Variants in C4orf51 observed in about 807,000 individuals in gnomAD.
C4orf51 encodes the protein uncharacterized protein C4orf51.
Under a neutral mutation model 25.2 loss-of-function variants are expected in C4orf51, and 25 were observed. The ratio of observed to expected loss-of-function variants is 0.99; its 90% CI spans 0.72 to 1.39. C4orf51 has a LOEUF of 1.39. C4orf51 is among the 40% of genes most tolerant of loss of function. The pLI, the probability that C4orf51 is intolerant of heterozygous loss-of-function variation, is 0.00. For missense variants in C4orf51, 252 were observed against 239.6 expected (o/e 1.05, Z -0.34); for synonymous variants, 100 against 84.5 (o/e 1.18, Z -1.01).
At chr4:145,724,929 T>C (rs1731966990) in intron 2 of C4orf51, among the ~76,000 whole-genome samples, 1 of 137,640 alleles carries the variant, frequency 7.3e-6, no homozygotes, top group Admixed American at 7.2e-5. Flanking sequence ...AAGAGTTAAG[T>C]GAAAAAGCAC....
the C4orf51 span, among the ~76,000 whole-genome samples, chr4:145,779,740 T>C: frequency 6.6e-6 from 1 of 152,244 alleles, no homozygotes; most frequent in South Asian, 2.1e-4. Context: ...CAGTATTTTC[T>C]CTCTTTCTTC....
rs1480261358 is a variant in C4orf51 at position 145,761,770 on chromosome 4, C to CTCCCTGCTGACAGAGCAG, written n.167-9213_167-9196dup. On this transcript the variant is annotated intron_variant and non_coding_transcript_variant, in intron 1 of 1. Coordinates refer to the C4orf51 transcript ENST00000510096. The surrounding 1 kb of genome is among the most constrained non-coding windows in gnomAD (Gnocchi z 6.8). ...AGGGGTGGAACGGCCCTTTTTGGCT[C>CTCCCTGCTGACAGAGCAG]TCCCTGCTGACAGAGCAGTCCCCGC... Among the ~76,000 whole-genome samples, 8 of 152,184 alleles carry CTCCCTGCTGACAGAGCAG rather than the reference C, an allele frequency of 5.3e-5. No homozygotes were observed. Among genetic ancestry groups the CTCCCTGCTGACAGAGCAG allele is most frequent in the Non-Finnish European group, 1.0e-4 (7 of 68,014 alleles).
At chr4:145,775,681 A>G (rs1169693116), downstream of C4orf51, 8 of 1,341,454 alleles carry the variant, frequency 6.0e-6, no homozygotes, top group Middle Eastern at 2.6e-4. Flanking sequence ...AGGCCAGGCT[A>G]TGACTGAGAA....
the C4orf51 span, among the ~76,000 whole-genome samples, chr4:145,778,469 C>T: frequency 3.9e-5 from 6 of 151,984 alleles, no homozygotes; most frequent in Non-Finnish European, 5.9e-5. Context: ...GTTAGCTGGG[C>T]ATAGTGGCAG....
chr4:145,732,740 TTGG>T lies in C4orf51; in HGVS notation c.*184_*186del. The T allele has an allele frequency of 2.0e-6, 1 of 487,998 alleles. No homozygotes were observed. Among genetic ancestry groups the T allele is most frequent in the South Asian group, 4.0e-5 (1 of 25,200 alleles). 30.2% of individuals were successfully genotyped at this position (487,998 alleles called of 1,614,324 possible). A position where few individuals can be genotyped will look rare whatever the true frequency, so the allele number is the denominator to read the frequency against. On this transcript the variant is annotated 3_prime_UTR_variant, in exon 6 of 6. Transcript: ENST00000438731. ...ATTTATCAGTTTTTTCCCTTTTTAA[TTGG>T]TGGAGAGAGACAAAAGTTTTTATAA...
At chr4:145,781,664 C>T in the C4orf51 span, among the ~76,000 whole-genome samples, 1 of 152,290 alleles carries the variant, frequency 6.6e-6, no homozygotes, top group African/African-American at 2.4e-5. Context: ...GGGAGATGAA[C>T]TTCTGAGGAC....
chr4:145,702,029 C>T (rs1056174239), intron 2 of C4orf51, among the ~76,000 whole-genome samples: 1 of 152,102 alleles, frequency 6.6e-6, no homozygotes, highest in Admixed American at 6.5e-5. Context: ...ATCACATGCC[C>T]ATTACCATCC....
intron 3 of C4orf51, among the ~76,000 whole-genome samples, chr4:145,728,186 TAAG>T (rs1481640074): frequency 6.6e-6 from 1 of 151,228 alleles, no homozygotes; most frequent in Middle Eastern, 3.2e-3. Context: ...TACGTTCCCA[TAAG>T]AAGAATTCTT....
At chr4:145,788,167 T>A in the C4orf51 span, among the ~76,000 whole-genome samples, 1 of 152,230 alleles carries the variant, frequency 6.6e-6, no homozygotes, top group African/African-American at 2.4e-5. Flanking sequence ...TAACCATTTT[T>A]TTTTGCTTAG....
chr4:145,736,617 C>G (rs1370550673), downstream of C4orf51, among the ~76,000 whole-genome samples: 1 of 152,204 alleles, frequency 6.6e-6, no homozygotes, highest in African/African-American at 2.4e-5. Context: ...CTTAGACATA[C>G]TTCAGGACTC....
chr4:145,697,133 T>G (rs559585941), intron 2 of C4orf51, among the ~76,000 whole-genome samples: 2 of 147,700 alleles, frequency 1.4e-5, no homozygotes, highest in Admixed American at 1.4e-4. Flanking sequence ...AGGGTCTCAC[T>G]CTGTCACCCA....
chr4:145,747,796 T>G (rs1733453399), intron 1 of C4orf51, among the ~76,000 whole-genome samples: 1 of 150,450 alleles, frequency 6.6e-6, no homozygotes, highest in Non-Finnish European at 1.5e-5. Context: ...CTTCCCTCCT[T>G]CCTTCCTTGC....
At chr4:145,789,473 T>C in the C4orf51 span, among the ~76,000 whole-genome samples, 101 of 152,344 alleles carry the variant, frequency 6.6e-4, no homozygotes, top group African/African-American at 2.3e-3. Flanking sequence ...CACTATATGA[T>C]GCATTTTACA....
At chr4:145,727,922 T>TATATAA (rs1234382844) in intron 3 of C4orf51, among the ~76,000 whole-genome samples, 5 of 96,946 alleles carry the variant, frequency 5.2e-5, no homozygotes, top group African/African-American at 2.6e-4. Flanking sequence ...TATATATATA[T>TATATAA]AAAATATATT....
chr4:145,696,906 G>A (rs1379419476), intron 2 of C4orf51, among the ~76,000 whole-genome samples: 4 of 151,662 alleles, frequency 2.6e-5, no homozygotes, highest in Non-Finnish European at 5.9e-5. Context: ...GTGTGGTGGC[G>A]CATACCTGTA....
At chr4:145,723,216 C>A (rs989232247) in intron 2 of C4orf51, among the ~76,000 whole-genome samples, 1 of 152,036 alleles carries the variant, frequency 6.6e-6, no homozygotes, top group Non-Finnish European at 1.5e-5. Flanking sequence ...GCCAACAATG[C>A]GTACATCTTG....
chr4:145,741,631 G>A (rs541301928), intron 1 of C4orf51, among the ~76,000 whole-genome samples: 4 of 152,202 alleles, frequency 2.6e-5, no homozygotes. Context: ...TTCCCTGAGA[G>A]AGAAGGAAAG....
chr4:145,785,977 C>G, the C4orf51 span, among the ~76,000 whole-genome samples: 1 of 152,100 alleles, frequency 6.6e-6, no homozygotes. Flanking sequence ...TGTAATATGT[C>G]AAAACTTACA....
downstream of C4orf51, among the ~76,000 whole-genome samples, chr4:145,736,764 T>C (rs147377899): frequency 0.01 from 1,542 of 152,312 alleles, 17 homozygotes; most frequent in South Asian, 0.026. Flanking sequence ...AGCTGCTCTT[T>C]TTCTGGCACA....
Sources: allele counts gnomAD v4.1 joint callset (sites outside exome capture counted in the v4.1 genomes callset), GRCh38; gene constraint gnomAD v4.1.1; non-coding constraint Gnocchi (gnomAD v3.1); transcripts MANE v1.5; gene names NCBI Gene and HGNC (gene_info 2026-07-23, HGNC 2026-07-21).